The following FDFT1 variants were observed in gnomAD, a reference collection of about 807,000 sequenced individuals.
The protein encoded by FDFT1 is squalene synthase.
A neutral mutation model predicts 46.8 loss-of-function variants in FDFT1; 68 were observed. The observed-to-expected ratio is 1.45, with a 90% CI of 1.19 to 1.78. The LOEUF (loss-of-function observed/expected upper bound fraction) is 1.78. FDFT1 is among the 40% of genes most tolerant of loss of function. The probability of loss-of-function intolerance (pLI) is 0.00; values close to 1 mark genes in which losing one functional copy is unlikely to be tolerated. For missense variants in FDFT1, 928 were observed against 524.4 expected (o/e 1.77, Z -7.52); for synonymous variants, 351 against 185.1 (o/e 1.90, Z -7.28).
chr8:11,809,580 T>C, intron 2 of FDFT1, 87 bp from the exon 3 acceptor site: 1 of 1,398,298 alleles, frequency 7.2e-7, no homozygotes, highest in Non-Finnish European at 9.6e-7. Context: ...GAGATGGGTT[T>C]AGAAAGTGGC....
chr8:11,808,887 A>T lies in FDFT1; in HGVS notation c.193A>T (p.Met65Leu), dbSNP rs1807298905. The change falls in exon 2 of 8, where the codon ATG becomes TTG. Residue 65 changes from methionine (M) to leucine (L), a missense_variant. Physicochemically the swap from Met to Leu is conservative, Grantham distance 15. Coordinates refer to ENST00000220584, the MANE Select transcript of FDFT1 (RefSeq NM_004462.5). ...AAVIQALDGE[M>L]RNAVCIFYLV... ...TGTTATCCAGGCGCTGGATGGGGAA[A>T]TGCGGTGAGTGATGGAGGCAGCGCC... 1 of 1,613,398 alleles carries T rather than the reference A, an allele frequency of 6.2e-7. No homozygotes were observed.
chr8:11,828,606 A>T (rs1259189884), intron 5 of FDFT1, among the ~76,000 whole-genome samples: 2 of 152,276 alleles, frequency 1.3e-5, no homozygotes, highest in African/African-American at 4.8e-5. Context: ...CATCTTGCAC[A>T]CACAGGAGCA....
intron 2 of FDFT1, chr8:11,809,191 C>A: frequency 1.6e-6 from 2 of 1,229,414 alleles, no homozygotes; most frequent in Non-Finnish European, 2.0e-6. Flanking sequence ...TTCTCGGCTT[C>A]CCTTATCCAA....
chr8:11,825,427 C>G (rs369819841), intron 4 of FDFT1, among the ~76,000 whole-genome samples: 5 of 151,358 alleles, frequency 3.3e-5, no homozygotes, highest in African/African-American at 1.2e-4. Context: ...TTAATTCCAG[C>G]TACTCAGGAA....
intron 1 of FDFT1, chr8:11,803,558 G>T: frequency 9.7e-7 from 1 of 1,035,120 alleles, no homozygotes. Flanking sequence ...TCTGCCTCAT[G>T]CCTGTACTAT....
intron 5 of FDFT1, among the ~76,000 whole-genome samples, chr8:11,828,782 T>G (rs1810367168): frequency 6.6e-6 from 1 of 152,266 alleles, no homozygotes; most frequent in Non-Finnish European, 1.5e-5. Flanking sequence ...CCTAGGTGAT[T>G]GGCTTCTTTT....
chr8:11,798,603 G>C (rs555325258), upstream of FDFT1, among the ~76,000 whole-genome samples: 5 of 152,360 alleles, frequency 3.3e-5, no homozygotes, highest in African/African-American at 1.2e-4. Context: ...ACAAAACTGA[G>C]AGGCTGTTAA....
chr8:11,815,922 T>G (rs1308799402), intron 3 of FDFT1, among the ~76,000 whole-genome samples: 2 of 152,224 alleles, frequency 1.3e-5, no homozygotes, highest in East Asian at 1.9e-4. Flanking sequence ...TTTTGGTGTT[T>G]TAGTCATGAA....
upstream of FDFT1, among the ~76,000 whole-genome samples, chr8:11,799,182 G>A (rs1805857668): frequency 6.6e-6 from 1 of 152,206 alleles, no homozygotes; most frequent in Non-Finnish European, 1.5e-5. Flanking sequence ...GGACAGGAAG[G>A]CGCCTTGAGT....
chr8:11,828,784 G>T (rs544158562), intron 5 of FDFT1, among the ~76,000 whole-genome samples: 2 of 152,358 alleles, frequency 1.3e-5, no homozygotes, highest in East Asian at 3.8e-4. Flanking sequence ...TAGGTGATTG[G>T]CTTCTTTTGC....
chr8:11,829,123 T>A (rs1471359628), intron 5 of FDFT1, among the ~76,000 whole-genome samples: 1 of 149,862 alleles, frequency 6.7e-6, no homozygotes, highest in Non-Finnish European at 1.5e-5. Context: ...GTCAGCAGTG[T>A]GAGAGTCCCA....
chr8:11,806,310 C>T (rs1806826103), intron 1 of FDFT1, among the ~76,000 whole-genome samples: 1 of 152,114 alleles, frequency 6.6e-6, no homozygotes, highest in Non-Finnish European at 1.5e-5. Flanking sequence ...TGCTTTCTCC[C>T]CTGGCTCATG....
chr8:11,830,739 A>C (rs1035061406), intron 6 of FDFT1, among the ~76,000 whole-genome samples: 2 of 152,174 alleles, frequency 1.3e-5, no homozygotes, highest in African/African-American at 4.8e-5. Context: ...TGCTGGGTAA[A>C]ACCTGGGTGA....
At position 11,809,704 on chromosome 8, in the gene FDFT1, C is replaced by G; in HGVS notation, c.235C>G (p.Leu79Val). 6.2e-7 allele frequency: 1 copy of G among 1,614,084 alleles called. No homozygotes were observed. The highest frequency in any genetic ancestry group is 8.5e-7 in the Non-Finnish European group (1 of 1,179,976). Reference sequence around the variant, plus strand: ...CATATTTTATCTGGTTCTCCGAGCTCTGGACACACTGGAAGATGACATGAC... The same window carrying G: ...CATATTTTATCTGGTTCTCCGAGCTGTGGACACACTGGAAGATGACATGAC... ...VCIFYLVLRALDTLEDDMTIS... is the reference protein window; with the variant it reads ...VCIFYLVLRAVDTLEDDMTIS... The change falls in exon 3 of 8, where the codon CTG (leucine) becomes GTG (valine). Residue 79 changes from leucine (L) to valine (V), a missense_variant. Physicochemically the swap from Leu to Val is conservative, Grantham distance 32. Coordinates refer to ENST00000220584, the MANE Select transcript of FDFT1 (RefSeq NM_004462.5).
intron 7 of FDFT1, among the ~76,000 whole-genome samples, chr8:11,836,334 G>C (rs1186816268): frequency 6.6e-6 from 1 of 152,204 alleles, no homozygotes; most frequent in African/African-American, 2.4e-5. Context: ...TTCGGCCACT[G>C]CTGTAGCAAC....
At chr8:11,837,346 C>G (rs1019756864) in intron 7 of FDFT1, among the ~76,000 whole-genome samples, 10 of 152,206 alleles carry the variant, frequency 6.6e-5, no homozygotes, top group African/African-American at 9.6e-5. Flanking sequence ...TCTTCCCACC[C>G]CAGTCCCCAA....
At chr8:11,802,249 C>G, upstream of FDFT1, 1 of 377,680 alleles carries the variant, frequency 2.6e-6, no homozygotes, top group South Asian at 2.0e-5. Context: ...GGCCTTTTCA[C>G]GGTTTTAGGC....
In FDFT1 at chr8:11,809,832, G is replaced by A. The variant is rs764491287; in HGVS notation, c.363G>A (p.Val121=). Residue 121 remains valine (V), a synonymous_variant, in exon 3 of 8, where the codon GTG becomes GTA. Coordinates refer to ENST00000220584, the MANE Select transcript of FDFT1 (RefSeq NM_004462.5). ...AGAGCAAGGAGAAGGATCGCCAGGT[G>A]CTGGAGGACTTCCCAACGGTGAGTG... ...FMESKEKDRQ[V]LEDFPTISLE... is the part of the protein sequence containing the mutation. 41 of 1,613,616 alleles carry A rather than the reference G, an allele frequency of 2.5e-5. No homozygotes were observed. The highest frequency in any genetic ancestry group is 3.3e-5 in the Non-Finnish European group (39 of 1,179,712).
intron 3 of FDFT1, among the ~76,000 whole-genome samples, chr8:11,819,831 C>G (rs984874395): frequency 2.0e-5 from 3 of 152,154 alleles, no homozygotes; most frequent in East Asian, 3.9e-4. Context: ...TACCAACCTT[C>G]TGAAGCCTAC....
Sources: gnomAD v4.1 joint callset for allele counts (sites outside exome capture counted in the v4.1 genomes callset) on GRCh38, gnomAD v4.1.1 for gene constraint, MANE v1.5 for transcripts, NCBI Gene and HGNC (gene_info 2026-07-23, HGNC 2026-07-21) for gene names.